Variants in ATP11C observed in about 807,000 individuals in gnomAD.
ATP11C encodes the protein phospholipid-transporting ATPase IG.
In ATP11C, 36 loss-of-function variants were observed where a neutral mutation model predicts 97.4. The observed-to-expected ratio is 0.37, with a 90% CI of 0.28 to 0.49. The LOEUF is 0.49. ATP11C is among the 20% of genes least tolerant of loss of function. ATP11C has a pLI of 0.98. For synonymous variants in ATP11C, 275 were observed against 290.9 expected (o/e 0.95, Z 0.56); for missense variants, 730 against 824.6 (o/e 0.89, Z 1.40).
rs1216862947 is a variant in ATP11C, at chrX:139,745,870, G to C, written c.2829-13C>G. ...GCCAGAAATTTTCCTATTGAGAAAT[G>C]GGGGGAAAAAACCATTAGTGAAACT... is the stretch of plus-strand genomic sequence containing the variant. On this transcript the variant is annotated splice_polypyrimidine_tract_variant and intron_variant, in intron 24 of 29. Coordinates refer to ENST00000682941, the MANE Select transcript of ATP11C (RefSeq NM_001353812.2). 2 of 1,187,089 alleles carry C rather than the reference G, an allele frequency of 1.7e-6. No individual in the cohort carries two copies. Among genetic ancestry groups the C allele is most frequent in the Admixed American group, 4.8e-5 (2 of 41,264 alleles).
chrX:139,893,895 CT>C (rs72475232), intron 1 of ATP11C, among the ~76,000 whole-genome samples: 5,813 of 104,496 alleles, frequency 0.056, 262 homozygotes, highest in East Asian at 0.3. Flanking sequence ...ACTTATAATT[CT>C]TTTTTTTTTT....
At chrX:139,893,717 T>C (rs1174352628) in intron 1 of ATP11C, among the ~76,000 whole-genome samples, 4 of 106,708 alleles carry the variant, frequency 3.7e-5, no homozygotes, top group East Asian at 2.9e-4. Context: ...CTGAGGACCA[T>C]TGAGAAAGTT....
intron 2 of ATP11C, among the ~76,000 whole-genome samples, chrX:139,823,136 T>C (rs1396891713): frequency 2.7e-5 from 3 of 111,143 alleles, no homozygotes; most frequent in African/African-American, 9.8e-5. Flanking sequence ...CTTGAACCCA[T>C]GAGGCGGAGG....
At chrX:139,741,754 G>A (rs2081560741) in intron 26 of ATP11C, among the ~76,000 whole-genome samples, 1 of 111,670 alleles carries the variant, frequency 9.0e-6, no homozygotes, top group African/African-American at 3.3e-5. Context: ...GACCAATCAT[G>A]TTTTCAGATT....
At chrX:139,848,419 T>C (rs2083941077) in intron 1 of ATP11C, among the ~76,000 whole-genome samples, 1 of 110,957 alleles carries the variant, frequency 9.0e-6, no homozygotes, top group African/African-American at 3.3e-5. Context: ...CCCTGACACA[T>C]AATAGCCCTC....
chrX:139,853,153 C>A lies in ATP11C; in HGVS notation c.28-26330G>T, dbSNP rs1031095133. Among the ~76,000 whole-genome samples the A allele has an allele frequency of 4.5e-5, 5 of 111,828 alleles. No homozygotes were observed. The South Asian group carries it at 1.5e-3, about 34-fold the overall frequency. ...AGGCTTGAACCTCACACAAACCCCC[C>A]CTTTCTTCTTAGAGGAAGAAAAAGT... On this transcript the variant is annotated intron_variant, in intron 1 of 29. Transcript: ENST00000682941.
At chrX:139,812,678 G>A (rs1382554574) in intron 5 of ATP11C, among the ~76,000 whole-genome samples, 1 of 109,487 alleles carries the variant, frequency 9.1e-6, no homozygotes, top group East Asian at 2.9e-4. Flanking sequence ...CCAAGTAGCT[G>A]GGACTGCCTG....
intron 8 of ATP11C, among the ~76,000 whole-genome samples, chrX:139,799,644 C>CTTTTTTTTT (rs754371113): frequency 5.0e-5 from 3 of 60,370 alleles, no homozygotes; most frequent in African/African-American, 1.6e-4. Context: ...CTTTATATTC[C>CTTTTTTTTT]TTTTTTTTTT....
intron 24 of ATP11C, among the ~76,000 whole-genome samples, chrX:139,748,160 A>G: frequency 9.0e-6 from 1 of 111,424 alleles, no homozygotes; most frequent in Non-Finnish European, 1.9e-5. Context: ...TTGCTTGAAA[A>G]CTTGTCAGGC....
At chrX:139,872,410 G>A (rs1359505713) in intron 1 of ATP11C, among the ~76,000 whole-genome samples, 2 of 110,746 alleles carry the variant, frequency 1.8e-5, no homozygotes. Context: ...TGTGCACAAC[G>A]TGCAGGTTTG....
At chrX:139,766,444 A>G (rs2082136414) in intron 20 of ATP11C, among the ~76,000 whole-genome samples, 3 of 111,962 alleles carry the variant, frequency 2.7e-5, no homozygotes, top group African/African-American at 9.7e-5. Context: ...ACTTTTGAAT[A>G]GTGTATTCTG....
At chrX:139,893,906 T>C (rs1039931420) in intron 1 of ATP11C, among the ~76,000 whole-genome samples, 1 of 109,854 alleles carries the variant, frequency 9.1e-6, no homozygotes, top group Non-Finnish European at 1.9e-5. Flanking sequence ...TTTTTTTTTT[T>C]AATAATTCTT....
intron 12 of ATP11C, among the ~76,000 whole-genome samples, 167 bp downstream of exon 12, chrX:139,796,106 T>C (rs2082788410): frequency 8.9e-6 from 1 of 112,344 alleles, no homozygotes. Context: ...GAACTGATGC[T>C]GTAACTATGA....
chrX:139,829,253 T>C (rs1469912606), intron 1 of ATP11C, among the ~76,000 whole-genome samples: 3 of 111,152 alleles, frequency 2.7e-5, no homozygotes, highest in Admixed American at 1.9e-4. Flanking sequence ...GGGGGTGGGG[T>C]AGTATGAAGT....
chrX:139,912,258 G>C (rs754556770), intron 1 of ATP11C, among the ~76,000 whole-genome samples: 13 of 101,187 alleles, frequency 1.3e-4, no homozygotes, highest in Admixed American at 1.1e-3. Context: ...CTCAAAATAA[G>C]AAAGCTAAAT....
intron 1 of ATP11C, among the ~76,000 whole-genome samples, chrX:139,847,989 C>G (rs1000537645): frequency 1.8e-5 from 2 of 111,346 alleles, no homozygotes; most frequent in Non-Finnish European, 3.8e-5. Context: ...CCATCCTCAT[C>G]ATGGTCATCT....
chrX:139,769,281 C>CAT (rs55984113), intron 19 of ATP11C, among the ~76,000 whole-genome samples: 1,734 of 27,911 alleles, frequency 0.062, 46 homozygotes, highest in Non-Finnish European at 0.086. Context: ...GGCAAACATA[C>CAT]ATATATATAT....
chrX:139,884,528 G>C (rs1437049317), intron 1 of ATP11C, among the ~76,000 whole-genome samples: 1 of 111,657 alleles, frequency 9.0e-6, no homozygotes, highest in Non-Finnish European at 1.9e-5. Flanking sequence ...TTGCTATGTT[G>C]CCCAGGCTGG....
chrX:139,837,799 T>C (rs1439824040), intron 1 of ATP11C, among the ~76,000 whole-genome samples: 4 of 112,304 alleles, frequency 3.6e-5, no homozygotes, highest in Non-Finnish European at 7.5e-5. Flanking sequence ...GATCTTTATA[T>C]AGTCAGTGTA....
Sources: gnomAD v4.1 joint callset for allele counts (sites outside exome capture counted in the v4.1 genomes callset) on GRCh38, gnomAD v4.1.1 for gene constraint, MANE v1.5 for transcripts, NCBI Gene and HGNC (gene_info 2026-07-23, HGNC 2026-07-21) for gene names.